CDT1: variants seen among roughly 807,000 people sequenced by gnomAD.
The protein encoded by CDT1 is DNA replication factor Cdt1.
CDT1 carries 66 observed loss-of-function variants against 49.3 expected under a neutral mutation model. The observed-to-expected ratio is 1.34, with a 90% CI of 1.10 to 1.64. CDT1 has a LOEUF of 1.64. Ranked by LOEUF, CDT1 falls within the 40% of genes most tolerant of loss-of-function variation. CDT1 has a pLI of 0.00. For synonymous variants in CDT1, 424 were observed against 347.4 expected, an observed-to-expected ratio of 1.22 and a Z score of -2.45; for missense variants, 958 against 807.7, an observed-to-expected ratio of 1.19 and a Z score of -2.26.
intron 3 of CDT1, 37 bp from the exon 4 acceptor site, chr16:88,805,403 C>T (rs755466924): frequency 6.2e-7 from 1 of 1,609,604 alleles, no homozygotes; most frequent in Non-Finnish European, 8.5e-7. Flanking sequence ...GGGGTAGGGG[C>T]CTACTGCTTC....
rs1908944375 is a variant in CDT1 at position 88,808,233 on chromosome 16, C to T, written c.1596C>T (p.Ile532=). ...KLDKAADLAH[I]TARLAHQTRA... ...ACAAGGCCGCGGACCTCGCCCACATCACTGCACGCCTGGCCCACCAGACAC... is the reference window on the plus strand; with the variant it reads ...ACAAGGCCGCGGACCTCGCCCACATTACTGCACGCCTGGCCCACCAGACAC... Residue 532 remains isoleucine, a synonymous_variant, in exon 10 of 10, where the codon ATC becomes ATT. Coordinates refer to ENST00000301019, the MANE Select transcript of CDT1 (RefSeq NM_030928.4). 1.2e-6 allele frequency: 2 copies of T among 1,606,116 alleles called. No homozygotes were observed. The highest frequency in any genetic ancestry group is 1.3e-5 in the African/African-American group (1 of 74,860).
In CDT1 at chr16:88,806,091, G is replaced by A. The variant is rs772593267; in HGVS notation, c.903G>A (p.Lys301=). The A allele has an allele frequency of 3.7e-6, 6 of 1,601,912 alleles. No homozygotes were observed. The South Asian group carries it at 6.7e-5, about 18-fold the overall frequency. Residue 301 remains lysine, a synonymous_variant, in exon 6 of 10, where the codon AAG becomes AAA. Transcript: ENST00000301019. ...AGCGACGGCAGATCTTCAGCCAGAA[G>A]CTGGTGGAGCATGTCAAGGAGCACC... ...LLQRRQIFSQ[K]LVEHVKEHHK...
intron 3 of CDT1, 100 bp from the exon 4 acceptor site, chr16:88,805,340 G>A (rs1908809397): frequency 2.2e-6 from 3 of 1,374,542 alleles, no homozygotes; most frequent in East Asian, 4.9e-5. Context: ...TGTGTGGCAT[G>A]GCAGGCCCCA....
chr16:88,808,579 T>G lies in CDT1; in HGVS notation c.*301T>G. 2.2e-6 allele frequency: 1 copy of G among 460,954 alleles called. No homozygotes were observed. The highest frequency in any genetic ancestry group is 3.7e-5 in the Admixed American group (1 of 26,926). The allele number at this position is 460,954 out of a possible 1,614,324, so 28.6% of individuals were successfully genotyped here. A position where few individuals can be genotyped will look rare whatever the true frequency, so the allele number is the denominator to read the frequency against. On this transcript the variant is annotated 3_prime_UTR_variant, in exon 10 of 10. Coordinates refer to ENST00000301019, the MANE Select transcript of CDT1 (RefSeq NM_030928.4). ...ACCCCCTGGGGGGCCATCGGGAGTGTGGCTGGGGGTGAAGGGGGCTCTGTG... is the reference window on the plus strand; with the variant it reads ...ACCCCCTGGGGGGCCATCGGGAGTGGGGCTGGGGGTGAAGGGGGCTCTGTG...
At position 88,808,649 on chromosome 16, in the gene CDT1, A is replaced by C; in HGVS notation, c.*371A>C. ...TGTGGGTGGCAGGCCATCCCCTCTA[A>C]TCTTGGAACCTCTGAATATGGGACC... On this transcript the variant is annotated 3_prime_UTR_variant, in exon 10 of 10. Coordinates refer to ENST00000301019, the MANE Select transcript of CDT1 (RefSeq NM_030928.4). The C allele has an allele frequency of 3.5e-6, 1 of 282,636 alleles. No homozygotes were observed. The highest frequency in any genetic ancestry group is 6.8e-6 in the Non-Finnish European group (1 of 147,606). The allele number at this position is 282,636 out of a possible 1,614,324, so 17.5% of individuals were successfully genotyped here.
chr16:88,806,349 C>T (rs1908855110), intron 6 of CDT1, 137 bp from the exon 7 acceptor site: 3 of 1,168,918 alleles, frequency 2.6e-6, no homozygotes, highest in Non-Finnish European at 3.7e-6. Flanking sequence ...TGCTCTCCCT[C>T]CAAGCTGAGC....
At position 88,805,634 on chromosome 16, in the gene CDT1, G is replaced by A. The variant is rs750025399; in HGVS notation, c.683G>A (p.Arg228His). Residue 228 changes from arginine (R) to histidine (H), a missense_variant, in exon 4 of 10, where the codon CGT becomes CAT. Arg to His is a conservative substitution (Grantham distance 29). Transcript: ENST00000301019. ...KVQRGVQDMM[R>H]RRFEECNVGQ... ...CAGCGGGGCGTCCAGGACATGATGCGTAGGTGAGTGGCCGGGGGTGGGCTG... is the reference window on the plus strand; with the variant it reads ...CAGCGGGGCGTCCAGGACATGATGCATAGGTGAGTGGCCGGGGGTGGGCTG... 6.2e-6 allele frequency: 10 copies of A among 1,612,614 alleles called. No individual in the cohort carries two copies. The highest frequency in any genetic ancestry group is 4.5e-5 in the East Asian group (2 of 44,892).
At chr16:88,807,820 T>C (rs924719644) in intron 9 of CDT1, among the ~76,000 whole-genome samples, 1 of 152,144 alleles carries the variant, frequency 6.6e-6, no homozygotes, top group African/African-American at 2.4e-5. Context: ...CCTGAGCACA[T>C]AGGGGTCCTG....
chr16:88,806,908 A>G (rs1908877328), intron 7 of CDT1, 143 bp from the exon 8 acceptor site: 4 of 1,240,892 alleles, frequency 3.2e-6, no homozygotes, highest in Non-Finnish European at 4.7e-6. Context: ...GATGCTGCAC[A>G]CTGGGACACT....
intron 3 of CDT1, 102 bp downstream of exon 3, chr16:88,805,000 G>A: frequency 2.7e-6 from 4 of 1,456,354 alleles, no homozygotes; most frequent in Non-Finnish European, 3.6e-6. Context: ...TCCTTCCAGG[G>A]AGGGTGGTGG....
At position 88,807,206 on chromosome 16, in the gene CDT1, G is replaced by A. The variant is rs372252569; in HGVS notation, c.1275+3G>A. 20 of 1,612,242 alleles carry A rather than the reference G, an allele frequency of 1.2e-5. No homozygotes were observed. The highest frequency in any genetic ancestry group is 1.6e-5 in the Non-Finnish European group (19 of 1,179,794). ...TGTCCCAGGATCTGCTGGAGCGGGT[G>A]AGTCGTCCCCAGTGATGGCGGGTGG... On this transcript the variant is annotated splice_donor_region_variant and intron_variant, in intron 8 of 9. Transcript: ENST00000301019.
chr16:88,804,559 T>C lies in CDT1; in HGVS notation c.243T>C (p.Ser81=), dbSNP rs475667. Residue 81 remains serine, a synonymous_variant, in exon 2 of 10, where the codon AGT becomes AGC. Coordinates refer to ENST00000301019, the MANE Select transcript of CDT1 (RefSeq NM_030928.4). ...CCTCCCACCAGGTTTCCAGCCCCAG[T>C]ACCCCCGAGGCCCCAGACATCCCAG... The part of the protein sequence containing the change: ...RLSVDEVSSP[S]TPEAPDIPAC... The C allele has an allele frequency of 0.085, 136,683 of 1,612,354 alleles. 6,821 individuals are homozygous for C. The highest frequency in any genetic ancestry group is 0.18 in the African/African-American group (13,500 of 74,950).
At chr16:88,805,027 C>A in intron 3 of CDT1, 129 bp downstream of exon 3, 1 of 1,271,702 alleles carries the variant, frequency 7.9e-7, no homozygotes, top group Non-Finnish European at 1.1e-6. Context: ...CACCAGGGCG[C>A]GGACCCAGAC....
In CDT1 at chr16:88,805,429, C is replaced by T; in HGVS notation, c.489-11C>T. 1.9e-6 allele frequency: 3 copies of T among 1,612,362 alleles called. No individual in the cohort carries two copies. Among genetic ancestry groups the T allele is most frequent in the Non-Finnish European group, 2.5e-6 (3 of 1,179,826 alleles). On this transcript the variant is annotated splice_polypyrimidine_tract_variant and intron_variant, in intron 3 of 9. Coordinates refer to ENST00000301019, the MANE Select transcript of CDT1 (RefSeq NM_030928.4). ...CTACTGCTTCTCATGAGGCTCCTCCCTCCCTGACAGTGGCGAGAAGGCGCC... is the reference window on the plus strand; with the variant it reads ...CTACTGCTTCTCATGAGGCTCCTCCTTCCCTGACAGTGGCGAGAAGGCGCC...
Position 88,807,048 on chromosome 16 carries a change from C to G in CDT1, c.1123-3C>G, listed in dbSNP as rs1453265861. 2 of 1,612,752 alleles carry G rather than the reference C, an allele frequency of 1.2e-6. No homozygotes were observed. Among genetic ancestry groups the G allele is most frequent in the Non-Finnish European group, 1.7e-6 (2 of 1,179,964 alleles). ...TCTCCAGTCCAACCTGTCCCTCCCG[C>G]AGATGGAGAAGGCCTTGAGTCAATT... is the stretch of plus-strand genomic sequence containing the variant. On this transcript the variant is annotated splice_region_variant and splice_polypyrimidine_tract_variant and intron_variant, in intron 7 of 9. Coordinates refer to ENST00000301019, the MANE Select transcript of CDT1 (RefSeq NM_030928.4).
Position 88,808,388 on chromosome 16 carries a change from C to T in CDT1, c.*110C>T. The T allele has an allele frequency of 1.5e-6, 2 of 1,290,590 alleles. No homozygotes were observed. Among genetic ancestry groups the T allele is most frequent in the South Asian group, 2.8e-5 (2 of 70,200 alleles). 79.9% of individuals were successfully genotyped at this position (1,290,590 alleles called of 1,614,324 possible). A position where few individuals can be genotyped will look rare whatever the true frequency, so the allele number is the denominator to read the frequency against. On this transcript the variant is annotated 3_prime_UTR_variant, in exon 10 of 10. Transcript: ENST00000301019. ...ACTTTGGCCTTCCTTTCCCCAGCGCCCCTGAGGGCCAGAGGCAGATGTGGG... is the reference window on the plus strand; with the variant it reads ...ACTTTGGCCTTCCTTTCCCCAGCGCTCCTGAGGGCCAGAGGCAGATGTGGG...
intron 9 of CDT1, 88 bp from the exon 10 acceptor site, chr16:88,808,025 CAG>C: frequency 2.1e-6 from 3 of 1,440,604 alleles, no homozygotes; most frequent in Middle Eastern, 1.9e-4. Context: ...CAGGCAGGCA[CAG>C]AGGTTGGGTG....
In CDT1 at chr16:88,808,186, A is replaced by G. The variant is rs1219971869; in HGVS notation, c.1549A>G (p.Thr517Ala). 9.3e-6 allele frequency: 15 copies of G among 1,612,696 alleles called. No homozygotes were observed. The highest frequency in any genetic ancestry group is 1.3e-5 in the African/African-American group (1 of 74,942). Residue 517 changes from threonine (T) to alanine (A), a missense_variant, in exon 10 of 10, where the codon ACC becomes GCC. Transcript: ENST00000301019. ...PDWLSLHRIR[T>A]DTYVKLDKAA... The stretch of plus-strand genomic sequence containing the variant: ...CTGGCTCAGCCTCCACCGCATCCGC[A>G]CCGACACCTACGTCAAGCTGGACAA...
In CDT1 at chr16:88,803,853, G is replaced by C. The variant is rs1463151323; in HGVS notation, c.22G>C (p.Asp8His). MEQRRVT[D>H]FFARRRPGPP... Reference sequence around the variant, plus strand: ...CGCCATGGAGCAGCGCCGCGTCACCGACTTCTTCGCGCGCCGCCGCCCCGG... The same window carrying C: ...CGCCATGGAGCAGCGCCGCGTCACCCACTTCTTCGCGCGCCGCCGCCCCGG... The change falls in exon 1 of 10, where the codon GAC (aspartate) becomes CAC (histidine). Residue 8 changes from aspartate (D) to histidine (H), a missense_variant. Asp to His is a moderately conservative substitution (Grantham distance 81). Transcript: ENST00000301019. 1.3e-6 allele frequency: 2 copies of C among 1,492,020 alleles called. No homozygotes were observed. Among genetic ancestry groups the C allele is most frequent in the Non-Finnish European group, 1.8e-6 (2 of 1,119,932 alleles). 92.4% of individuals were successfully genotyped at this position (1,492,020 alleles called of 1,614,324 possible).
Sources: allele counts gnomAD v4.1 joint callset (sites outside exome capture counted in the v4.1 genomes callset), GRCh38; gene constraint gnomAD v4.1.1; transcripts MANE v1.5; gene names NCBI Gene and HGNC (gene_info 2026-07-23, HGNC 2026-07-21).